Variants in DST observed in about 807,000 individuals in gnomAD.
DST encodes the protein dystonin.
Under a neutral mutation model 875.2 loss-of-function variants are expected in DST, and 253 were observed. The observed-to-expected ratio is 0.29, with a 90% confidence interval of 0.26 to 0.32. The LOEUF (loss-of-function observed/expected upper bound fraction) is 0.32. DST is among the 10% of genes least tolerant of loss of function. The pLI is 1.00. For missense variants in DST, 8,287 were observed against 9,111.6 expected (o/e 0.91, Z 3.68); for synonymous variants, 3,124 against 3,197.1 (o/e 0.98, Z 0.77).
At chr6:56,510,683 T>C (rs1467014346) in intron 73 of DST, among the ~76,000 whole-genome samples, 1 of 152,210 alleles carries the variant, frequency 6.6e-6, no homozygotes, top group Admixed American at 6.5e-5. Flanking sequence ...ATGTGCCATA[T>C]CTAATAATGA....
intron 4 of DST, among the ~76,000 whole-genome samples, chr6:56,768,349 G>A (rs902188931): frequency 3.9e-5 from 6 of 152,034 alleles, no homozygotes; most frequent in African/African-American, 4.8e-5. Context: ...AAGTCAAGTC[G>A]ACCAAAGGAA....
intron 3 of DST, among the ~76,000 whole-genome samples, chr6:56,875,601 T>A (rs1266198929): frequency 6.6e-6 from 1 of 152,180 alleles, no homozygotes; most frequent in Non-Finnish European, 1.5e-5. Flanking sequence ...CCCAGTGATC[T>A]CAAAAAGCCT....
intron 3 of DST, among the ~76,000 whole-genome samples, chr6:56,897,643 T>G (rs919879687): frequency 1.3e-5 from 2 of 152,116 alleles, no homozygotes; most frequent in Non-Finnish European, 2.9e-5. Flanking sequence ...CAGGTAGGTA[T>G]GTTTTTATTC....
chr6:56,829,206 A>C (rs534521741), intron 4 of DST, among the ~76,000 whole-genome samples: 1 of 152,368 alleles, frequency 6.6e-6, no homozygotes, highest in African/African-American at 2.4e-5. Context: ...ACTTAGCCAA[A>C]CACAAAAGAA....
At chr6:56,570,391 G>T (rs997149527) in intron 53 of DST, among the ~76,000 whole-genome samples, 12 of 152,248 alleles carry the variant, frequency 7.9e-5, no homozygotes, top group Middle Eastern at 3.4e-3. Flanking sequence ...CTGAAACTAG[G>T]CAGTCCCATC....
At position 56,871,169 on chromosome 6, in the gene DST, T is replaced by C. The variant is rs1049316654; in HGVS notation, c.418-19565A>G. The stretch of plus-strand genomic sequence containing the variant: ...GTGGGGCTCTTCCTCTTCCCCTAAG[T>C]GGCCTGAGGTAGTCTGTGAAAATGG... On this transcript the variant is annotated intron_variant, in intron 3 of 103. Coordinates refer to ENST00000680361, the MANE Select transcript of DST (RefSeq NM_001374736.1). The C allele has an allele frequency of 7.0e-6, 5 of 710,442 alleles. No homozygotes were observed. The Admixed American group carries it at 9.6e-5, about 14-fold the overall frequency. 44.0% of individuals were successfully genotyped at this position (710,442 alleles called of 1,614,324 possible). A position where few individuals can be genotyped will look rare whatever the true frequency, so the allele number is the denominator to read the frequency against.
intron 4 of DST, among the ~76,000 whole-genome samples, chr6:56,815,044 G>A (rs762512202): frequency 1.1e-4 from 17 of 152,248 alleles, no homozygotes; most frequent in Middle Eastern, 3.4e-3. Context: ...CTATAATCCC[G>A]GTGTGGCCGT....
intron 4 of DST, among the ~76,000 whole-genome samples, chr6:56,836,472 G>A (rs1293866420): frequency 6.6e-6 from 1 of 152,092 alleles, no homozygotes; most frequent in Non-Finnish European, 1.5e-5. Flanking sequence ...TAGGGTAGCC[G>A]AGAACTTAAA....
intron 75 of DST, among the ~76,000 whole-genome samples, chr6:56,508,025 T>G (rs2096379448): frequency 6.6e-6 from 1 of 152,036 alleles, no homozygotes; most frequent in South Asian, 2.1e-4. Flanking sequence ...TTTTTGTTGT[T>G]GTTGTTTTGT....
intron 48 of DST, among the ~76,000 whole-genome samples, chr6:56,592,830 T>C (rs1460123380): frequency 1.3e-5 from 2 of 152,136 alleles, no homozygotes; most frequent in Non-Finnish European, 1.5e-5. Context: ...TTTATGCAAC[T>C]TGGCAAGTCT....
intron 87 of DST, 25 bp from the exon 88 acceptor site, chr6:56,485,496 A>T (rs1197112764): frequency 2.5e-6 from 4 of 1,605,086 alleles, no homozygotes; most frequent in Middle Eastern, 3.3e-4. Context: ...AGAAAAATTG[A>T]TCCTTGCAAC....
chr6:56,780,457 T>C lies in DST; in HGVS notation c.626-45168A>G, dbSNP rs2099690812. Among the ~76,000 whole-genome samples the C allele has an allele frequency of 2.0e-5, 3 of 151,610 alleles. No homozygotes were observed. The South Asian group carries it at 6.3e-4, about 32-fold the overall frequency. Reference sequence around the variant, plus strand: ...ATGGTATCTCATTGTGGTTTTGATTTGCATTTCTCTGATGGCCAGTGATGA... The same window carrying C: ...ATGGTATCTCATTGTGGTTTTGATTCGCATTTCTCTGATGGCCAGTGATGA... On this transcript the variant is annotated intron_variant, in intron 4 of 103. Transcript: ENST00000680361.
At chr6:56,863,333 TA>T (rs1772297357) in intron 3 of DST, 1 of 152,214 alleles carries the variant, frequency 6.6e-6, no homozygotes, top group African/African-American at 2.4e-5. Flanking sequence ...ATATTTCTTA[TA>T]ACATTTTATG....
chr6:56,596,515 C>T (rs1310706462), intron 47 of DST, among the ~76,000 whole-genome samples: 1 of 152,196 alleles, frequency 6.6e-6, no homozygotes, highest in Non-Finnish European at 1.5e-5. Flanking sequence ...GTAACTGACT[C>T]ACAATGTTCC....
chr6:56,535,291 A>G lies in DST; in HGVS notation c.16772T>C (p.Val5591Ala), dbSNP rs201698009. 3.2e-6 allele frequency: 5 copies of G among 1,565,970 alleles called. No homozygotes were observed. The African/African-American group carries it at 7.0e-5, about 22-fold the overall frequency. ...NARWKTLNKK[V>A]AQRAAQLQEA... ...CTGCAGCTGGGCTGCTCGCTGAGCCACCTGCAAAGTGCCAATTGTTTCCAC... is the reference window on the plus strand; with the variant it reads ...CTGCAGCTGGGCTGCTCGCTGAGCCGCCTGCAAAGTGCCAATTGTTTCCAC... Residue 5591 changes from valine to alanine, a missense_variant and splice_region_variant, in exon 63 of 104, where the codon GTG (valine) becomes GCG (alanine). Around this residue, in one of 10 missense-constraint regions of DST, gnomAD observed 777 missense variants for 764.8 expected, o/e 1.02. Coordinates refer to ENST00000680361, the MANE Select transcript of DST (RefSeq NM_001374736.1).
Position 56,639,740 on chromosome 6 carries a change from C to A in DST, c.2653G>T (p.Ala885Ser). ...QMTAPLKLTY[A>S]EKLHRLESQY... Reference sequence around the variant, plus strand: ...CTCTCTAATCTGTGCAACTTTTCTGCATAAGTCAGTTTAAGAGGTGCTGTC... The same window carrying A: ...CTCTCTAATCTGTGCAACTTTTCTGAATAAGTCAGTTTAAGAGGTGCTGTC... The change falls in exon 20 of 104, where the codon GCA (alanine) becomes TCA (serine). Residue 885 changes from alanine to serine, a missense_variant. Ala to Ser is a moderately conservative substitution (Grantham distance 99, BLOSUM62 1). Transcript: ENST00000680361. The A allele has an allele frequency of 6.2e-7, 1 of 1,613,400 alleles. No homozygotes were observed. The highest frequency in any genetic ancestry group is 1.1e-5 in the South Asian group (1 of 91,042).
chr6:56,536,019 A>G (rs1437340848), intron 62 of DST, among the ~76,000 whole-genome samples: 3 of 152,246 alleles, frequency 2.0e-5, no homozygotes, highest in Non-Finnish European at 4.4e-5. Flanking sequence ...TGAATAATAT[A>G]GTTTCAAGAC....
intron 2 of DST, among the ~76,000 whole-genome samples, chr6:56,942,530 A>G (rs774694233): frequency 6.6e-6 from 1 of 151,728 alleles, no homozygotes; most frequent in Non-Finnish European, 1.5e-5. Context: ...TTTTCATTCT[A>G]CCTAAGTTAA....
At chr6:56,929,622 A>G (rs1280043161) in intron 2 of DST, among the ~76,000 whole-genome samples, 4 of 152,164 alleles carry the variant, frequency 2.6e-5, no homozygotes, top group Admixed American at 1.3e-4. Context: ...TCACTGATAT[A>G]CTTTTATATG....
Sources: allele counts gnomAD v4.1 joint callset (sites outside exome capture counted in the v4.1 genomes callset), GRCh38; gene constraint gnomAD v4.1.1; regional missense constraint gnomAD v4.1.1; transcripts MANE v1.5; gene names NCBI Gene and HGNC (gene_info 2026-07-23, HGNC 2026-07-21).